The following LIN28A variants were observed in gnomAD, a reference collection of about 807,000 sequenced individuals.
The protein encoded by LIN28A is lin-28 RNA binding posttranscriptional regulator A, also known as protein lin-28 homolog A.
LIN28A carries 11 observed loss-of-function variants against 21.1 expected under a neutral mutation model. That is an observed-to-expected ratio of 0.52 (90% CI 0.33 to 0.86). LIN28A has a LOEUF of 0.86. Ranked by LOEUF, LIN28A falls within the 40% of genes least tolerant of loss-of-function variation. The probability of loss-of-function intolerance (pLI) is 0.03; values close to 1 mark genes in which losing one functional copy is unlikely to be tolerated. For missense variants in LIN28A, 219 were observed against 279.8 expected, an observed-to-expected ratio of 0.78 and a Z score of 1.55; for synonymous variants, 111 against 108.7, an observed-to-expected ratio of 1.02 and a Z score of -0.13.
chr1:26,428,544 CTT>C lies in LIN28A; in HGVS notation c.*2101_*2102del, dbSNP rs35039079. ...CAAGACCATTACCATTTCTTTCTTTCTTTTTTTTTTTTTTTTAAAATGGAGTC... is the reference window on the plus strand; with the variant it reads ...CAAGACCATTACCATTTCTTTCTTTCTTTTTTTTTTTTTTAAAATGGAGTC... On this transcript the variant is annotated 3_prime_UTR_variant, in exon 4 of 4. Transcript: ENST00000326279. 3.5e-3 allele frequency: 491 copies of C among 141,706 alleles called. No homozygotes were observed. Among genetic ancestry groups the C allele is most frequent in the Admixed American group, 3.9e-3 (56 of 14,198 alleles). The allele number at this position is 141,706 out of a possible 1,614,324, so 8.8% of individuals were successfully genotyped here.
rs2075061771 is a variant in LIN28A, at chr1:26,426,693, G to A, written c.*235G>A. 2 of 507,032 alleles carry A rather than the reference G, an allele frequency of 3.9e-6. No homozygotes were observed. Among genetic ancestry groups the A allele is most frequent in the East Asian group, 7.1e-5 (2 of 27,986 alleles). The allele number at this position is 507,032 out of a possible 1,614,324, so 31.4% of individuals were successfully genotyped here. ...GGTTCTGGGGGCAACCAGGAGGGGGGAATCACCCTACAACCTGCATACTTT... is the reference window on the plus strand; with the variant it reads ...GGTTCTGGGGGCAACCAGGAGGGGGAAATCACCCTACAACCTGCATACTTT... On this transcript the variant is annotated 3_prime_UTR_variant, in exon 4 of 4. Transcript: ENST00000326279.
chr1:26,414,381 G>C (rs1048370839), intron 2 of LIN28A, among the ~76,000 whole-genome samples: 7 of 152,216 alleles, frequency 4.6e-5, no homozygotes, highest in Non-Finnish European at 8.8e-5. Context: ...CAAATAAAGA[G>C]GAAGGGGGAA....
intron 2 of LIN28A, among the ~76,000 whole-genome samples, chr1:26,417,117 T>C (rs1043515151): frequency 1.6e-4 from 24 of 152,188 alleles, no homozygotes; most frequent in Non-Finnish European, 2.6e-4. Flanking sequence ...ACCCGAACAC[T>C]TGAGTTCACA....
chr1:26,426,226 T>C lies in LIN28A; in HGVS notation c.414-16T>C, dbSNP rs1264569676. 4 of 1,608,814 alleles carry C rather than the reference T, an allele frequency of 2.5e-6. No homozygotes were observed. In the Admixed American group the frequency reaches 6.7e-5, roughly 27 times the overall value. ...TTGCTCCTTTCTCTTACTTTTACGA[T>C]CTTGCTTTGTACTAGGTGCTACAAC... On this transcript the variant is annotated splice_polypyrimidine_tract_variant and intron_variant, in intron 3 of 3. Transcript: ENST00000326279.
At chr1:26,414,443 T>C (rs1031293156) in intron 2 of LIN28A, among the ~76,000 whole-genome samples, 2 of 152,082 alleles carry the variant, frequency 1.3e-5, no homozygotes, top group Non-Finnish European at 2.9e-5. Context: ...GTTATTAGGA[T>C]CCCAATGCCC....
At chr1:26,416,779 G>A (rs376315737) in intron 2 of LIN28A, among the ~76,000 whole-genome samples, 2 of 151,898 alleles carry the variant, frequency 1.3e-5, no homozygotes, top group Non-Finnish European at 2.9e-5. Flanking sequence ...CACCATGCCC[G>A]GCTAATGTTT....
At chr1:26,420,432 G>A (rs1570314439) in intron 2 of LIN28A, among the ~76,000 whole-genome samples, 1 of 151,950 alleles carries the variant, frequency 6.6e-6, no homozygotes, top group African/African-American at 2.4e-5. Flanking sequence ...TGGCCAATAA[G>A]GTGAAACCCT....
In LIN28A at chr1:26,429,476, G is replaced by C. The variant is rs2075080492; in HGVS notation, c.*3018G>C. 6.6e-6 allele frequency: 1 copy of C among 152,640 alleles called. No homozygotes were observed. The highest frequency in any genetic ancestry group is 2.1e-4 in the South Asian group (1 of 4,826). 9.5% of individuals were successfully genotyped at this position (152,640 alleles called of 1,614,324 possible). On this transcript the variant is annotated 3_prime_UTR_variant, in exon 4 of 4. Transcript: ENST00000326279. ...CTTGAATTTATGGGGCGGGAGGGTA[G>C]GAAAGCCTGTACCTGTCTGTTTTTT...
In LIN28A at chr1:26,428,111, G is replaced by GTT. The variant is rs1403114327; in HGVS notation, c.*1655_*1656dup. ...ACTACGTTGATTGCTAGGTGGCCTA[G>GTT]TTTGTGTAAATATAATGTATTGGTC... On this transcript the variant is annotated 3_prime_UTR_variant, in exon 4 of 4. Transcript: ENST00000326279. The GTT allele has an allele frequency of 6.5e-6, 1 of 152,756 alleles. No homozygotes were observed. Among genetic ancestry groups the GTT allele is most frequent in the South Asian group, 2.1e-4 (1 of 4,830 alleles). The allele number at this position is 152,756 out of a possible 1,614,324, so 9.5% of individuals were successfully genotyped here.
chr1:26,412,953 C>T (rs1007992879), intron 2 of LIN28A, among the ~76,000 whole-genome samples: 8 of 152,092 alleles, frequency 5.3e-5, no homozygotes, highest in Non-Finnish European at 7.4e-5. Context: ...TTTGCAGCAC[C>T]CTTATTCCCC....
intron 2 of LIN28A, among the ~76,000 whole-genome samples, chr1:26,415,115 T>C (rs370361412): frequency 1.3e-5 from 2 of 152,190 alleles, no homozygotes; most frequent in Admixed American, 6.5e-5. Flanking sequence ...CAATCTCAAA[T>C]ATGTTTAAAT....
At chr1:26,418,737 C>T (rs1028440962) in intron 2 of LIN28A, among the ~76,000 whole-genome samples, 1 of 152,020 alleles carries the variant, frequency 6.6e-6, no homozygotes, top group African/African-American at 2.4e-5. Flanking sequence ...TGAAGAGACC[C>T]AAGGGGAGGG....
intron 2 of LIN28A, among the ~76,000 whole-genome samples, chr1:26,421,748 A>G (rs2075029736): frequency 6.6e-6 from 1 of 152,018 alleles, no homozygotes; most frequent in Non-Finnish European, 1.5e-5. Context: ...TAATCCTCTG[A>G]TCCATCTGCT....
chr1:26,411,872 C>T lies in LIN28A; in HGVS notation c.228+290C>T, dbSNP rs971683849. ...GGGGCAGGGGGCAGGGAGGTGACCCCATGTGGCAGAAACTAAGGTTGTATT... is the reference window on the plus strand; with the variant it reads ...GGGGCAGGGGGCAGGGAGGTGACCCTATGTGGCAGAAACTAAGGTTGTATT... On this transcript the variant is annotated intron_variant, in intron 2 of 3. Transcript: ENST00000326279. This position sits in a 1 kb window ranked among gnomAD's most constrained non-coding sequence, Gnocchi z 5.4. Among the ~76,000 whole-genome samples the T allele has an allele frequency of 1.3e-5, 2 of 152,130 alleles. No homozygotes were observed. The highest frequency in any genetic ancestry group is 4.8e-5 in the African/African-American group (2 of 41,428).
At chr1:26,424,933 G>A (rs2075049603) in intron 2 of LIN28A, among the ~76,000 whole-genome samples, 1 of 152,066 alleles carries the variant, frequency 6.6e-6, no homozygotes, top group Non-Finnish European at 1.5e-5. Flanking sequence ...AGTAGAGACA[G>A]AGTTTCACCA....
At chr1:26,418,652 G>C (rs1291591518) in intron 2 of LIN28A, among the ~76,000 whole-genome samples, 1 of 152,078 alleles carries the variant, frequency 6.6e-6, no homozygotes, top group African/African-American at 2.4e-5. Flanking sequence ...AATTGGGAAA[G>C]GATGATATGG....
At chr1:26,415,687 T>C in intron 2 of LIN28A, among the ~76,000 whole-genome samples, 1 of 50,958 alleles carries the variant, frequency 2.0e-5, no homozygotes, top group African/African-American at 4.3e-5. Context: ...CTTTCTGGGC[T>C]GGGCACAACA....
At chr1:26,425,157 C>T (rs755374573) in intron 2 of LIN28A, 146 bp from the exon 3 acceptor site, 17 of 718,866 alleles carry the variant, frequency 2.4e-5, no homozygotes, top group East Asian at 2.2e-4. Flanking sequence ...TGTTCTTAAT[C>T]GTAGTGACTC....
At chr1:26,422,668 A>G (rs1164312015) in intron 2 of LIN28A, among the ~76,000 whole-genome samples, 1 of 152,190 alleles carries the variant, frequency 6.6e-6, no homozygotes, top group East Asian at 1.9e-4. Flanking sequence ...GCTAAACTCA[A>G]AGAACTTGAC....
Sources: allele counts gnomAD v4.1 joint callset (sites outside exome capture counted in the v4.1 genomes callset), GRCh38; gene constraint gnomAD v4.1.1; non-coding constraint Gnocchi (gnomAD v3.1); transcripts MANE v1.5; gene names NCBI Gene and HGNC (gene_info 2026-07-23, HGNC 2026-07-21).